The following PRKCA variants were observed in gnomAD, a reference collection of about 807,000 sequenced individuals.
PRKCA encodes the protein protein kinase C alpha type.
A neutral mutation model predicts 87.0 loss-of-function variants in PRKCA; 27 were observed. The ratio of observed to expected loss-of-function variants is 0.31; its 90% CI spans 0.23 to 0.43. The LOEUF is 0.43. PRKCA is among the 20% of genes least tolerant of loss of function. The probability of loss-of-function intolerance (pLI) is 1.00; values close to 1 mark genes in which losing one functional copy is unlikely to be tolerated. For missense variants in PRKCA, 518 were observed against 852.3 expected, an observed-to-expected ratio of 0.61 and a Z score of 4.88; for synonymous variants, 329 against 311.1, an observed-to-expected ratio of 1.06 and a Z score of -0.61.
chr17:66,652,746 A>G (rs967524187), intron 5 of PRKCA, among the ~76,000 whole-genome samples: 2 of 152,200 alleles, frequency 1.3e-5, no homozygotes, highest in African/African-American at 4.8e-5. Flanking sequence ...TCGTATTTAA[A>G]TGTACTCTGT....
intron 2 of PRKCA, among the ~76,000 whole-genome samples, chr17:66,356,129 T>A (rs1449650410): frequency 1.3e-5 from 2 of 152,068 alleles, no homozygotes; most frequent in African/African-American, 4.8e-5. Context: ...AAACTCCTGA[T>A]CTCAGGTGAC....
At chr17:66,794,215 A>C (rs1306553378) in intron 16 of PRKCA, among the ~76,000 whole-genome samples, 1 of 152,230 alleles carries the variant, frequency 6.6e-6, no homozygotes, top group Non-Finnish European at 1.5e-5. Flanking sequence ...TTTTTTGTGA[A>C]ATTACTTTAA....
At chr17:66,761,699 C>T (rs1470925194) in intron 13 of PRKCA, among the ~76,000 whole-genome samples, 11 of 151,996 alleles carry the variant, frequency 7.2e-5, no homozygotes, top group African/African-American at 2.7e-4. Flanking sequence ...GCTGGGATTA[C>T]AAATGTGAGC....
At chr17:66,704,395 T>C (rs1973141474) in intron 8 of PRKCA, among the ~76,000 whole-genome samples, 1 of 152,240 alleles carries the variant, frequency 6.6e-6, no homozygotes, top group African/African-American at 2.4e-5. Flanking sequence ...CTTATAGTTA[T>C]CTGTACATAC....
chr17:66,377,624 A>G (rs1381728517), intron 2 of PRKCA, among the ~76,000 whole-genome samples: 7 of 143,720 alleles, frequency 4.9e-5, no homozygotes, highest in Non-Finnish European at 1.1e-4. Context: ...TCTATATTAT[A>G]TATATGTCTA....
chr17:66,614,313 G>A (rs747885244), intron 3 of PRKCA, among the ~76,000 whole-genome samples: 15 of 152,092 alleles, frequency 9.9e-5, no homozygotes, highest in African/African-American at 3.4e-4. Flanking sequence ...ATTTGGGGGC[G>A]TATGTTTGTA....
intron 3 of PRKCA, among the ~76,000 whole-genome samples, chr17:66,582,220 G>T (rs984976391): frequency 6.6e-6 from 1 of 152,156 alleles, no homozygotes; most frequent in East Asian, 1.9e-4. Flanking sequence ...GGCTAAGAGG[G>T]ATACTTCTGT....
chr17:66,493,239 G>A (rs375031854), intron 2 of PRKCA, among the ~76,000 whole-genome samples: 1 of 151,022 alleles, frequency 6.6e-6, no homozygotes, highest in Non-Finnish European at 1.5e-5. Context: ...CTAATATACT[G>A]TATCTTCATC....
In PRKCA at chr17:66,302,881, C is replaced by G; in HGVS notation, c.30C>G (p.Ser10=). Residue 10 remains serine (S), a synonymous_variant, in exon 1 of 17, where the codon TCC becomes TCG. Transcript: ENST00000413366. Reference sequence around the variant, plus strand: ...CTGACGTTTTCCCGGGCAACGACTCCACGGCGTCTCAGGACGTGGCCAACC... The same window carrying G: ...CTGACGTTTTCCCGGGCAACGACTCGACGGCGTCTCAGGACGTGGCCAACC... MADVFPGND[S]TASQDVANRF... is the part of the protein sequence containing the mutation. 1.2e-6 allele frequency: 2 copies of G among 1,610,482 alleles called. No individual in the cohort carries two copies. The highest frequency in any genetic ancestry group is 1.7e-6 in the Non-Finnish European group (2 of 1,178,346).
At chr17:66,732,968 G>A (rs867796777) in intron 9 of PRKCA, 143 bp downstream of exon 9, 77 of 1,054,582 alleles carry the variant, frequency 7.3e-5, no homozygotes, top group African/African-American at 3.0e-4. Context: ...TGGCTAACAC[G>A]GTGAAGCCCC....
intron 13 of PRKCA, among the ~76,000 whole-genome samples, chr17:66,765,376 G>A (rs552308846): frequency 7.2e-6 from 1 of 139,186 alleles, no homozygotes; most frequent in Non-Finnish European, 1.5e-5. Flanking sequence ...TCGTGTCATC[G>A]TGTCACTGCA....
At chr17:66,776,396 C>T (rs1160344323) in intron 14 of PRKCA, among the ~76,000 whole-genome samples, 1 of 152,144 alleles carries the variant, frequency 6.6e-6, no homozygotes, top group African/African-American at 2.4e-5. Flanking sequence ...CTGCACCCTC[C>T]GCCTCCCAGG....
At chr17:66,758,240 G>A (rs1209886702) in intron 13 of PRKCA, among the ~76,000 whole-genome samples, 2 of 152,208 alleles carry the variant, frequency 1.3e-5, no homozygotes, top group Non-Finnish European at 2.9e-5. Flanking sequence ...TGTGCTCTGA[G>A]CACTGGAGAG....
chr17:66,594,311 G>A (rs1316945196), intron 3 of PRKCA, among the ~76,000 whole-genome samples: 2 of 152,128 alleles, frequency 1.3e-5, no homozygotes, highest in African/African-American at 4.8e-5. Context: ...ATGTTGGTTG[G>A]GTGGGGTGGT....
chr17:66,635,992 C>T (rs967856477), intron 3 of PRKCA, among the ~76,000 whole-genome samples: 2 of 152,096 alleles, frequency 1.3e-5, no homozygotes, highest in African/African-American at 4.8e-5. Flanking sequence ...TGATCTAGTC[C>T]GGTTGTTTTC....
intron 2 of PRKCA, among the ~76,000 whole-genome samples, chr17:66,405,042 G>A (rs578000268): frequency 2.0e-5 from 3 of 152,150 alleles, no homozygotes; most frequent in South Asian, 2.1e-4. Context: ...GAGCCACTGC[G>A]CCCGGCCAAG....
At chr17:66,680,161 C>T (rs538626753) in intron 5 of PRKCA, among the ~76,000 whole-genome samples, 139 of 152,314 alleles carry the variant, frequency 9.1e-4, no homozygotes, top group African/African-American at 3.3e-3. Context: ...CACTTACCTG[C>T]CCTTCCACCA....
At chr17:66,404,452 G>T (rs577837876) in intron 2 of PRKCA, among the ~76,000 whole-genome samples, 1 of 152,254 alleles carries the variant, frequency 6.6e-6, no homozygotes, top group South Asian at 2.1e-4. Flanking sequence ...GGGCGGTTGG[G>T]TACTATTCTT....
intron 9 of PRKCA, among the ~76,000 whole-genome samples, chr17:66,733,594 C>A (rs149771630): frequency 0.023 from 3,472 of 152,224 alleles, 48 homozygotes; most frequent in Non-Finnish European, 0.034. Flanking sequence ...GAGTTTGAGA[C>A]CAGCCTGGCA....
Sources: gnomAD v4.1 joint callset for allele counts (sites outside exome capture counted in the v4.1 genomes callset) on GRCh38, gnomAD v4.1.1 for gene constraint, MANE v1.5 for transcripts, NCBI Gene and HGNC (gene_info 2026-07-23, HGNC 2026-07-21) for gene names.